PTGFR: variants seen among roughly 807,000 people sequenced by gnomAD.
PTGFR encodes prostaglandin F receptor, also known as prostaglandin F2-alpha receptor.
A neutral mutation model predicts 26.2 loss-of-function variants in PTGFR; 15 were observed. The ratio of observed to expected loss-of-function variants is 0.57; its 90% CI spans 0.38 to 0.88. The LOEUF (loss-of-function observed/expected upper bound fraction) is 0.88. Ranked by LOEUF, PTGFR falls within the 40% of genes least tolerant of loss-of-function variation. PTGFR has a pLI of 0.00. For missense variants in PTGFR, 369 were observed against 427.2 expected, an observed-to-expected ratio of 0.86 and a Z score of 1.20; for synonymous variants, 165 against 151.1, an observed-to-expected ratio of 1.09 and a Z score of -0.68.
At chr1:78,504,302 T>C (rs33994937) in intron 2 of PTGFR, among the ~76,000 whole-genome samples, 39,610 of 152,122 alleles carry the variant, frequency 0.26, 5,515 homozygotes, top group African/African-American at 0.35. Flanking sequence ...TGCATCTATC[T>C]TTTTACCTAG....
intron 2 of PTGFR, among the ~76,000 whole-genome samples, chr1:78,517,413 C>T (rs1299620322): frequency 3.3e-5 from 5 of 151,928 alleles, no homozygotes; most frequent in South Asian, 2.1e-4. Context: ...TAAATTTACA[C>T]GATGATTTTA....
rs754648190 is a variant in PTGFR, at chr1:78,536,462, A to C, written c.855A>C (p.Thr285=). The C allele has an allele frequency of 6.2e-7, 1 of 1,613,140 alleles. No homozygotes were observed. Among genetic ancestry groups the C allele is most frequent in the African/African-American group, 1.3e-5 (1 of 74,898 alleles). ...NGNHSLETCE[T]TLFALRMATW... Reference sequence around the variant, plus strand: ...ATCATTCTCTGGAAACCTGTGAAACAACACTTTTTGCTCTCCGAATGGCAA... The same window carrying C: ...ATCATTCTCTGGAAACCTGTGAAACCACACTTTTTGCTCTCCGAATGGCAA... The change falls in exon 3 of 3, where the codon ACA becomes ACC. Residue 285 remains threonine (T), a synonymous_variant. Coordinates refer to ENST00000370757, the MANE Select transcript of PTGFR (RefSeq NM_000959.4).
intron 2 of PTGFR, among the ~76,000 whole-genome samples, chr1:78,494,606 T>C (rs1329989587): frequency 2.6e-5 from 4 of 152,112 alleles, no homozygotes; most frequent in Non-Finnish European, 4.4e-5. Flanking sequence ...GGTTTTTTGT[T>C]TGTTTGTTTG....
intron 2 of PTGFR, among the ~76,000 whole-genome samples, chr1:78,523,100 A>G (rs1650284840): frequency 1.3e-5 from 2 of 152,238 alleles, no homozygotes; most frequent in African/African-American, 4.8e-5. Context: ...TAGGTGTACT[A>G]TAATCTCTTT....
chr1:78,524,904 A>T (rs1014520260), intron 2 of PTGFR, among the ~76,000 whole-genome samples: 3 of 123,950 alleles, frequency 2.4e-5, no homozygotes, highest in African/African-American at 9.1e-5. Context: ...GACAAATGCA[A>T]GATTTTTTTT....
intron 2 of PTGFR, among the ~76,000 whole-genome samples, chr1:78,515,559 C>T (rs2100378008): frequency 6.6e-6 from 1 of 152,308 alleles, no homozygotes; most frequent in East Asian, 1.9e-4. Context: ...GTTACTACAG[C>T]ACATTACACT....
chr1:78,525,458 G>A (rs1365952419), intron 2 of PTGFR, among the ~76,000 whole-genome samples: 1 of 151,986 alleles, frequency 6.6e-6, no homozygotes, highest in Non-Finnish European at 1.5e-5. Context: ...GGTGAGGTCT[G>A]GGTGGGTCCC....
chr1:78,529,317 T>C (rs1650450320), intron 2 of PTGFR, among the ~76,000 whole-genome samples: 1 of 152,206 alleles, frequency 6.6e-6, no homozygotes, highest in Admixed American at 6.6e-5. Flanking sequence ...GGACTAGTTT[T>C]TTCTTTAATT....
intron 2 of PTGFR, among the ~76,000 whole-genome samples, chr1:78,535,048 G>T (rs1441710083): frequency 6.6e-6 from 1 of 152,134 alleles, no homozygotes; most frequent in Non-Finnish European, 1.5e-5. Flanking sequence ...TGAGTGCTTG[G>T]GCAGTGCCCT....
intron 2 of PTGFR, among the ~76,000 whole-genome samples, chr1:78,520,758 G>A (rs535099522): frequency 3.3e-5 from 5 of 151,958 alleles, no homozygotes; most frequent in African/African-American, 4.8e-5. Context: ...GATCTAGTAC[G>A]CTGTTTTTTA....
chr1:78,539,759 T>C lies in PTGFR; in HGVS notation c.*3072T>C, dbSNP rs1466059014. 1 of 152,410 alleles carries C rather than the reference T, an allele frequency of 6.6e-6. No individual in the cohort carries two copies. Among genetic ancestry groups the C allele is most frequent in the Non-Finnish European group, 1.5e-5 (1 of 67,992 alleles). 9.4% of individuals were successfully genotyped at this position (152,410 alleles called of 1,614,324 possible). On this transcript the variant is annotated 3_prime_UTR_variant, in exon 3 of 3. Coordinates refer to ENST00000370757, the MANE Select transcript of PTGFR (RefSeq NM_000959.4). ...AAGTTGGACTAATGTTTTTCAAGAG[T>C]GATTATTTTTAGAAGGACCATATAA...
At chr1:78,504,849 A>G (rs1649790559) in intron 2 of PTGFR, among the ~76,000 whole-genome samples, 1 of 152,162 alleles carries the variant, frequency 6.6e-6, no homozygotes. Context: ...TTTATTATAT[A>G]TAACATTCTA....
At chr1:78,534,315 C>T (rs967334299) in intron 2 of PTGFR, among the ~76,000 whole-genome samples, 1 of 152,090 alleles carries the variant, frequency 6.6e-6, no homozygotes, top group Non-Finnish European at 1.5e-5. Flanking sequence ...AAATGGCTTC[C>T]GACTGCTTTT....
chr1:78,500,411 T>G (rs1423024339), intron 2 of PTGFR, among the ~76,000 whole-genome samples: 1 of 152,246 alleles, frequency 6.6e-6, no homozygotes. Flanking sequence ...TGAAAGTAGC[T>G]GCTTTGTCCA....
At chr1:78,502,391 C>T (rs1649731317) in intron 2 of PTGFR, among the ~76,000 whole-genome samples, 1 of 152,094 alleles carries the variant, frequency 6.6e-6, no homozygotes, top group African/African-American at 2.4e-5. Flanking sequence ...CCACTCTGTG[C>T]CTCTGTTTCC....
rs1650762044 is a variant in PTGFR, at chr1:78,540,192, ATC to A, written c.*3506_*3507del. 6.6e-6 allele frequency among the ~76,000 whole-genome samples: 1 copy of A among 152,130 alleles called. No individual in the cohort carries two copies. On this transcript the variant is annotated 3_prime_UTR_variant, in exon 3 of 3. Coordinates refer to ENST00000370757, the MANE Select transcript of PTGFR (RefSeq NM_000959.4). Reference sequence around the variant, plus strand: ...TTTCTCAAACTACAGAGCATGGTGAATCACACACAGGCTGTTAGAATATCCAT... The same window carrying A: ...TTTCTCAAACTACAGAGCATGGTGAAACACACAGGCTGTTAGAATATCCAT...
At position 78,501,115 on chromosome 1, in the gene PTGFR, T is replaced by TGA. The variant is rs369316836; in HGVS notation, c.798+7575_798+7576insAG. ...CTTAAGTGTAAACGAATCAGAAACA[T>TGA]GTGTATTAAATTTATACCCTCAAGG... On this transcript the variant is annotated intron_variant, in intron 2 of 2. Coordinates refer to ENST00000370757, the MANE Select transcript of PTGFR (RefSeq NM_000959.4). 5.9e-3 allele frequency among the ~76,000 whole-genome samples: 891 copies of TGA among 152,020 alleles called. 7 individuals are homozygous for TGA. Among genetic ancestry groups the TGA allele is most frequent in the African/African-American group, 0.021 (852 of 41,462 alleles).
chr1:78,537,010 T>G lies in PTGFR; in HGVS notation c.*323T>G, dbSNP rs1017864318. 3.9e-6 allele frequency: 1 copy of G among 257,798 alleles called. No homozygotes were observed. The highest frequency in any genetic ancestry group is 5.2e-5 in the Admixed American group (1 of 19,254). The allele number at this position is 257,798 out of a possible 1,614,324, so 16.0% of individuals were successfully genotyped here. ...GGTCTAATGCCTTTACTTGGCCTAT[T>G]TGCCAGAGAACATCTTAATGCAGCC... On this transcript the variant is annotated 3_prime_UTR_variant, in exon 3 of 3. Transcript: ENST00000370757.
In PTGFR at chr1:78,538,372, GA is replaced by G. The variant is rs1238664944; in HGVS notation, c.*1686del. ...TGATGTCACCCTGGCCATGTGTACT[GA>G]CTTGAGGAGATCTTGCAACATGGCC... On this transcript the variant is annotated 3_prime_UTR_variant, in exon 3 of 3. Coordinates refer to ENST00000370757, the MANE Select transcript of PTGFR (RefSeq NM_000959.4). 2.0e-5 allele frequency: 3 copies of G among 151,988 alleles called. No individual in the cohort carries two copies. The highest frequency in any genetic ancestry group is 6.6e-5 in the Admixed American group (1 of 15,216). 9.4% of individuals were successfully genotyped at this position (151,988 alleles called of 1,614,324 possible).
Sources: gnomAD v4.1 joint callset for allele counts (sites outside exome capture counted in the v4.1 genomes callset) on GRCh38, gnomAD v4.1.1 for gene constraint, MANE v1.5 for transcripts, NCBI Gene and HGNC (gene_info 2026-07-23, HGNC 2026-07-21) for gene names.